TANC2: variants seen among roughly 807,000 people sequenced by gnomAD.
TANC2 encodes the protein tetratricopeptide repeat, ankyrin repeat and coiled-coil containing 2.
TANC2 carries 26 observed loss-of-function variants against 210.5 expected under a neutral mutation model. The ratio of observed to expected loss-of-function variants is 0.12; its 90% CI spans 0.09 to 0.17. The LOEUF (loss-of-function observed/expected upper bound fraction) is 0.17. Among genes scored for constraint, TANC2 ranks in the 10% least tolerant of loss-of-function variants. The pLI is 1.00. For missense variants in TANC2, 2,129 were observed against 2,608.9 expected (o/e 0.82, Z 4.01); for synonymous variants, 931 against 967.1 (o/e 0.96, Z 0.69).
intron 10 of TANC2, among the ~76,000 whole-genome samples, chr17:63,315,075 G>A (rs1009688967): frequency 5.3e-5 from 8 of 152,090 alleles, no homozygotes; most frequent in African/African-American, 1.4e-4. Context: ...TGCTGTTGGC[G>A]TCAGTGTTGC....
chr17:63,360,163 A>G (rs1322446918), intron 14 of TANC2, among the ~76,000 whole-genome samples: 2 of 152,204 alleles, frequency 1.3e-5, no homozygotes, highest in Non-Finnish European at 2.9e-5. Flanking sequence ...ATAAATGGTG[A>G]GTTGAAGTTT....
At chr17:63,011,130 A>T (rs1017578057) in intron 2 of TANC2, among the ~76,000 whole-genome samples, 1 of 152,100 alleles carries the variant, frequency 6.6e-6, no homozygotes, top group Admixed American at 6.6e-5. Flanking sequence ...TCTCGTTAGC[A>T]TATAGAAAAC....
chr17:62,999,073 G>A (rs1421082973), intron 1 of TANC2, among the ~76,000 whole-genome samples: 5 of 152,236 alleles, frequency 3.3e-5, no homozygotes, highest in African/African-American at 1.2e-4. Flanking sequence ...CCCAATGCTG[G>A]AAGTGCGGCA....
chr17:63,034,830 A>G (rs1352586092), intron 2 of TANC2, among the ~76,000 whole-genome samples: 1 of 152,226 alleles, frequency 6.6e-6, no homozygotes, highest in Admixed American at 6.6e-5. Flanking sequence ...TGAATGGATG[A>G]GAAGTTACTT....
chr17:63,099,030 T>TGTAGAAATGAATGCATGTA, intron 3 of TANC2, 145 bp from the exon 4 acceptor site: 1 of 785,512 alleles, frequency 1.3e-6, no homozygotes, highest in Non-Finnish European at 2.1e-6. Flanking sequence ...ACATAGTAAG[T>TGTAGAAATGAATGCATGTA]GTAGAAATGA....
At chr17:63,370,309 G>A (rs931524401) in intron 14 of TANC2, among the ~76,000 whole-genome samples, 1 of 151,728 alleles carries the variant, frequency 6.6e-6, no homozygotes, top group Non-Finnish European at 1.5e-5. Context: ...CTTCCGAGTA[G>A]CTGAGACTAC....
At chr17:63,321,614 G>T (rs1447413841) in intron 11 of TANC2, among the ~76,000 whole-genome samples, 1 of 152,150 alleles carries the variant, frequency 6.6e-6, no homozygotes, top group African/African-American at 2.4e-5. Context: ...CCAGTCTTCT[G>T]ACTGGAGAGT....
intron 9 of TANC2, chr17:63,313,398 C>G (rs2045197006): frequency 6.6e-6 from 1 of 152,168 alleles, no homozygotes; most frequent in African/African-American, 2.4e-5. Flanking sequence ...GACCATCAGG[C>G]AGGACTTCCT....
At chr17:63,172,384 G>A (rs2040435258) in intron 5 of TANC2, among the ~76,000 whole-genome samples, 1 of 151,826 alleles carries the variant, frequency 6.6e-6, no homozygotes, top group Non-Finnish European at 1.5e-5. Flanking sequence ...GTTTCACCAT[G>A]TTGGCCAGGC....
chr17:63,089,452 G>A (rs1235865401), intron 3 of TANC2, among the ~76,000 whole-genome samples: 1 of 152,172 alleles, frequency 6.6e-6, no homozygotes, highest in Non-Finnish European at 1.5e-5. Context: ...AAGTGGGAAG[G>A]GATGAAGTCA....
At chr17:63,123,950 C>T (rs1440637185) in intron 4 of TANC2, among the ~76,000 whole-genome samples, 2 of 152,058 alleles carry the variant, frequency 1.3e-5, no homozygotes, top group Non-Finnish European at 2.9e-5. Context: ...ATCCACCCGC[C>T]TTGGCCTCCC....
chr17:63,395,693 G>A (rs1228186413), intron 17 of TANC2, 50 bp from the exon 18 acceptor site: 17 of 1,556,726 alleles, frequency 1.1e-5, no homozygotes, highest in East Asian at 2.3e-5. Context: ...TAGATTGCGA[G>A]CTCAGCCACA....
intron 2 of TANC2, among the ~76,000 whole-genome samples, chr17:63,054,348 C>A (rs540022191): frequency 6.6e-6 from 1 of 152,152 alleles, no homozygotes; most frequent in African/African-American, 2.4e-5. Flanking sequence ...CTTTTTCATA[C>A]GTAGCCTTTG....
chr17:63,197,564 G>A (rs761730885), intron 6 of TANC2: 7 of 152,162 alleles, frequency 4.6e-5, no homozygotes, highest in Non-Finnish European at 1.0e-4. Flanking sequence ...AGAATCTAAT[G>A]CAAGTCAGCG....
intron 7 of TANC2, among the ~76,000 whole-genome samples, chr17:63,223,631 T>C (rs1013326107): frequency 9.9e-5 from 15 of 152,064 alleles, no homozygotes; most frequent in African/African-American, 3.1e-4. Flanking sequence ...AAGACTTTTC[T>C]AGAAAAGGGG....
intron 2 of TANC2, among the ~76,000 whole-genome samples, chr17:63,055,965 C>CAAAAAAA (rs869063496): frequency 5.7e-5 from 3 of 52,598 alleles, no homozygotes; most frequent in African/African-American, 7.3e-5. Context: ...TCATCTCTAC[C>CAAAAAAA]AAAAAAAAAA....
chr17:63,288,157 A>G (rs2044281538), intron 9 of TANC2, among the ~76,000 whole-genome samples: 1 of 152,122 alleles, frequency 6.6e-6, no homozygotes, highest in African/African-American at 2.4e-5. Context: ...ATTTCCACAG[A>G]TCTCCAGAAT....
intron 9 of TANC2, among the ~76,000 whole-genome samples, chr17:63,268,282 C>A (rs1000037824): frequency 2.0e-5 from 3 of 152,130 alleles, no homozygotes; most frequent in Admixed American, 6.5e-5. Flanking sequence ...TCTGAAAATC[C>A]AAAATGCAAA....
At chr17:63,220,684 A>G (rs1214788867) in intron 7 of TANC2, among the ~76,000 whole-genome samples, 2 of 142,558 alleles carry the variant, frequency 1.4e-5, no homozygotes, top group Admixed American at 1.4e-4. Flanking sequence ...AGCCTGGGCA[A>G]CAGAGCAAGA....
Sources: allele counts gnomAD v4.1 joint callset (sites outside exome capture counted in the v4.1 genomes callset), GRCh38; gene constraint gnomAD v4.1.1; transcripts MANE v1.5; gene names NCBI Gene and HGNC (gene_info 2026-07-23, HGNC 2026-07-21).